Variants in MAST2 observed in about 807,000 individuals in gnomAD.
MAST2 encodes the protein microtubule-associated serine/threonine-protein kinase 2.
In MAST2, 70 loss-of-function variants were observed where a neutral mutation model predicts 147.4. That is an observed-to-expected ratio of 0.47 (90% CI 0.39 to 0.58). The LOEUF (loss-of-function observed/expected upper bound fraction) is 0.58, where lower values mean the gene tolerates loss of function less well. MAST2 is among the 20% of genes least tolerant of loss of function. MAST2 has a pLI of 0.00. For missense variants in MAST2, 2,080 were observed against 2,302.3 expected (o/e 0.90, Z 1.98); for synonymous variants, 869 against 896.8 (o/e 0.97, Z 0.55).
rs372493031 is a variant in MAST2 at position 45,817,877 on chromosome 1, A to C, written c.178-6556A>C. ...ACACATCTTTATTAATCAAAATAGGAACCATTACAATCAACACATTTTCGC... is the reference window on the plus strand; with the variant it reads ...ACACATCTTTATTAATCAAAATAGGCACCATTACAATCAACACATTTTCGC... On this transcript the variant is annotated intron_variant, in intron 1 of 28. Coordinates refer to ENST00000361297, the MANE Select transcript of MAST2 (RefSeq NM_015112.3). Among the ~76,000 whole-genome samples the C allele has an allele frequency of 2.0e-5, 3 of 152,306 alleles. No individual in the cohort carries two copies. The South Asian group carries it at 6.2e-4, about 32-fold the overall frequency.
chr1:45,890,710 G>A (rs1019260084), intron 4 of MAST2, among the ~76,000 whole-genome samples: 6 of 152,172 alleles, frequency 3.9e-5, no homozygotes, highest in South Asian at 4.1e-4. Context: ...GGTAAGCTCC[G>A]TGAGGTCAGG....
intron 4 of MAST2, among the ~76,000 whole-genome samples, chr1:45,930,224 C>T (rs1655052407): frequency 6.6e-6 from 1 of 152,044 alleles, no homozygotes; most frequent in South Asian, 2.1e-4. Flanking sequence ...ATTACAGGCA[C>T]CCACCACCAC....
intron 3 of MAST2, among the ~76,000 whole-genome samples, chr1:45,861,450 C>A (rs1350477027): frequency 6.6e-6 from 1 of 150,674 alleles, no homozygotes; most frequent in South Asian, 2.1e-4. Flanking sequence ...TTTGGAATTT[C>A]CTTGCTCTGC....
At chr1:45,913,502 A>G in intron 4 of MAST2, 1 of 795,248 alleles carries the variant, frequency 1.3e-6, no homozygotes, top group Non-Finnish European at 1.5e-6. Context: ...GGTGCTTGTC[A>G]CTGACGCAGG....
chr1:45,961,575 A>G lies in MAST2; in HGVS notation c.592+2098A>G, dbSNP rs1399895378. ...CCAGCTTTGAGTTAATGTGTGTAACATGCTTAGTACTTTACAAATGTTAGC... is the reference window on the plus strand; with the variant it reads ...CCAGCTTTGAGTTAATGTGTGTAACGTGCTTAGTACTTTACAAATGTTAGC... On this transcript the variant is annotated intron_variant, in intron 5 of 28. Coordinates refer to ENST00000361297, the MANE Select transcript of MAST2 (RefSeq NM_015112.3). 4.6e-5 allele frequency among the ~76,000 whole-genome samples: 7 copies of G among 152,212 alleles called. No homozygotes were observed. In the East Asian group the frequency reaches 1.3e-3, roughly 29 times the overall value.
rs1017775009 is a variant in MAST2 at position 45,816,912 on chromosome 1, C to T, written c.178-7521C>T. ...CAGGATGGTCTCGATCTCCTGACCTCGTGATCCACCTGCCTCGGCTTCCCA... is the reference window on the plus strand; with the variant it reads ...CAGGATGGTCTCGATCTCCTGACCTTGTGATCCACCTGCCTCGGCTTCCCA... On this transcript the variant is annotated intron_variant, in intron 1 of 28. Transcript: ENST00000361297. Among the ~76,000 whole-genome samples, 18 of 152,110 alleles carry T rather than the reference C, an allele frequency of 1.2e-4. 1 individual carries two copies. Among genetic ancestry groups the T allele is most frequent in the African/African-American group, 4.1e-4 (17 of 41,416 alleles).
chr1:45,911,374 A>G (rs913796513), intron 4 of MAST2, among the ~76,000 whole-genome samples: 3 of 152,326 alleles, frequency 2.0e-5, no homozygotes, highest in South Asian at 2.1e-4. Context: ...TCACTTTGGC[A>G]TTATTTAAGG....
intron 1 of MAST2, among the ~76,000 whole-genome samples, chr1:45,811,438 G>A (rs1323853790): frequency 1.4e-4 from 20 of 140,050 alleles, no homozygotes; most frequent in Admixed American, 4.5e-4. Context: ...TCCCGGGTTC[G>A]CGCCATTCTC....
At chr1:45,843,221 G>C (rs1461967437) in intron 3 of MAST2, among the ~76,000 whole-genome samples, 1 of 151,866 alleles carries the variant, frequency 6.6e-6, no homozygotes, top group African/African-American at 2.4e-5. Flanking sequence ...CCTGTTCTGT[G>C]TGTTGTCTTT....
intron 6 of MAST2, among the ~76,000 whole-genome samples, chr1:46,000,162 A>G (rs891099063): frequency 1.3e-5 from 2 of 152,124 alleles, no homozygotes; most frequent in Admixed American, 6.5e-5. Flanking sequence ...AAAAATACAA[A>G]AATTAGCCGG....
chr1:46,002,438 A>G (rs1223448700), intron 6 of MAST2, among the ~76,000 whole-genome samples: 1 of 152,190 alleles, frequency 6.6e-6, no homozygotes, highest in Non-Finnish European at 1.5e-5. Context: ...AAATAGCTGC[A>G]TTTCAGTGGC....
chr1:45,850,393 C>A (rs1645586351), intron 3 of MAST2, among the ~76,000 whole-genome samples: 1 of 152,102 alleles, frequency 6.6e-6, no homozygotes, highest in Non-Finnish European at 1.5e-5. Flanking sequence ...ATTCTGTAGG[C>A]TGTTAACTCT....
intron 4 of MAST2, among the ~76,000 whole-genome samples, chr1:45,886,828 T>C (rs10789479): frequency 0.28 from 42,779 of 151,952 alleles, 6,186 homozygotes; most frequent in South Asian, 0.39. Context: ...GCTGTTGTTG[T>C]TATTTTGTTT....
At chr1:45,921,968 A>C (rs139001915) in intron 4 of MAST2, among the ~76,000 whole-genome samples, 23 of 152,274 alleles carry the variant, frequency 1.5e-4, no homozygotes, top group African/African-American at 5.3e-4. Context: ...GGGGAACTTT[A>C]TTGAGTGATA....
At chr1:45,883,793 G>C (rs1312768919) in intron 4 of MAST2, among the ~76,000 whole-genome samples, 1 of 151,278 alleles carries the variant, frequency 6.6e-6, no homozygotes, top group Admixed American at 6.6e-5. Context: ...AATGGCAAGG[G>C]CTCTACCAGG....
intron 5 of MAST2, among the ~76,000 whole-genome samples, chr1:45,962,279 T>C (rs1209144626): frequency 6.6e-6 from 1 of 152,162 alleles, no homozygotes; most frequent in Non-Finnish European, 1.5e-5. Context: ...CCTTTGGGTA[T>C]ATACCCAGTA....
intron 4 of MAST2, among the ~76,000 whole-genome samples, chr1:45,923,971 A>C (rs1434037732): frequency 6.6e-6 from 1 of 152,112 alleles, no homozygotes; most frequent in Non-Finnish European, 1.5e-5. Context: ...TCCCAGTTTC[A>C]AGCAATTCTC....
At chr1:45,949,473 A>G (rs1047543275) in intron 4 of MAST2, among the ~76,000 whole-genome samples, 3 of 152,202 alleles carry the variant, frequency 2.0e-5, no homozygotes, top group Admixed American at 1.3e-4. Flanking sequence ...AAAAAGCTCA[A>G]TATCACCGAG....
intron 3 of MAST2, chr1:45,847,638 C>G: frequency 9.2e-6 from 5 of 546,402 alleles, no homozygotes; most frequent in Non-Finnish European, 1.3e-5. Context: ...CAGAGGAGCT[C>G]TGCACTCTAG....
Sources: allele counts gnomAD v4.1 joint callset (sites outside exome capture counted in the v4.1 genomes callset), GRCh38; gene constraint gnomAD v4.1.1; transcripts MANE v1.5; gene names NCBI Gene and HGNC (gene_info 2026-07-23, HGNC 2026-07-21).